The following UBA6 variants were observed in gnomAD, a reference collection of about 807,000 sequenced individuals.
The protein encoded by UBA6 is ubiquitin-like modifier-activating enzyme 6.
A neutral mutation model predicts 148.3 loss-of-function variants in UBA6; 87 were observed. The ratio of observed to expected loss-of-function variants is 0.59; its 90% CI spans 0.49 to 0.70. UBA6 has a LOEUF of 0.70. UBA6 is among the 30% of genes least tolerant of loss of function. The pLI is 0.00. For missense variants in UBA6, 1,186 were observed against 1,241.2 expected, an observed-to-expected ratio of 0.96 and a Z score of 0.67; for synonymous variants, 376 against 401.0, an observed-to-expected ratio of 0.94 and a Z score of 0.75.
At chr4:67,685,628 C>A (rs531197255) in intron 2 of UBA6, among the ~76,000 whole-genome samples, 2 of 152,116 alleles carry the variant, frequency 1.3e-5, no homozygotes, top group African/African-American at 2.4e-5. Context: ...ACTTAAACCC[C>A]GTTACGTAGG....
chr4:67,684,898 C>T (rs1218941416), intron 2 of UBA6, among the ~76,000 whole-genome samples: 1 of 152,144 alleles, frequency 6.6e-6, no homozygotes, highest in Admixed American at 6.6e-5. Flanking sequence ...CACAAAAATA[C>T]TATGAGATAA....
intron 14 of UBA6, among the ~76,000 whole-genome samples, chr4:67,647,710 T>C (rs1275064054): frequency 1.3e-5 from 2 of 151,876 alleles, no homozygotes; most frequent in Non-Finnish European, 2.9e-5. Flanking sequence ...CATGAACAAA[T>C]GGTTATTTAT....
At chr4:67,689,781 C>T (rs1577841227) in intron 2 of UBA6, among the ~76,000 whole-genome samples, 1 of 152,160 alleles carries the variant, frequency 6.6e-6, no homozygotes, top group Non-Finnish European at 1.5e-5. Flanking sequence ...ACTACTTAGG[C>T]AACGTACCTA....
At chr4:67,648,077 G>A (rs1444949718) in intron 14 of UBA6, among the ~76,000 whole-genome samples, 4 of 151,354 alleles carry the variant, frequency 2.6e-5, no homozygotes, top group Admixed American at 1.3e-4. Flanking sequence ...CTGCCTTAAC[G>A]GTCATCTTTA....
chr4:67,618,927 T>C lies in UBA6; in HGVS notation c.*70A>G. On this transcript the variant is annotated 3_prime_UTR_variant, in exon 33 of 33. Coordinates refer to ENST00000322244, the MANE Select transcript of UBA6 (RefSeq NM_018227.6). ...TCCATAGTATTATGAACTGATTTTC[T>C]TTAGCTTCTGAATTAAGTGCACTCT... 1 of 1,485,292 alleles carries C rather than the reference T, an allele frequency of 6.7e-7. No individual in the cohort carries two copies. Among genetic ancestry groups the C allele is most frequent in the Non-Finnish European group, 9.2e-7 (1 of 1,088,348 alleles). 92.0% of individuals were successfully genotyped at this position (1,485,292 alleles called of 1,614,324 possible). A position where few individuals can be genotyped will look rare whatever the true frequency, so the allele number is the denominator to read the frequency against.
intron 11 of UBA6, chr4:67,663,506 A>T (rs528169897): frequency 2.6e-4 from 81 of 314,312 alleles, no homozygotes; most frequent in African/African-American, 1.5e-3. Context: ...CATCCATTTT[A>T]AAAAAAAATA....
intron 1 of UBA6, among the ~76,000 whole-genome samples, chr4:67,698,021 GCTTA>G (rs1056601271): frequency 1.3e-5 from 2 of 152,086 alleles, no homozygotes; most frequent in African/African-American, 4.8e-5. Context: ...CTCCGTTTTC[GCTTA>G]CTATCTTCAA....
Position 67,634,338 on chromosome 4 carries a change from GAAA to G in UBA6, c.1933-19_1933-17del. ...AACTTTCAAACTGTAACAGAGAAAA[GAAA>G]AAAAAAATTACAAATAGAAGTCTGT... On this transcript the variant is annotated splice_polypyrimidine_tract_variant and intron_variant, in intron 21 of 32. Transcript: ENST00000322244. 2 of 1,508,670 alleles carry G rather than the reference GAAA, an allele frequency of 1.3e-6. No homozygotes were observed. Among genetic ancestry groups the G allele is most frequent in the Non-Finnish European group, 1.8e-6 (2 of 1,125,828 alleles). The allele number at this position is 1,508,670 out of a possible 1,614,324, so 93.5% of individuals were successfully genotyped here. A position where few individuals can be genotyped will look rare whatever the true frequency, so the allele number is the denominator to read the frequency against.
chr4:67,652,227 CAT>C (rs1729569366), intron 13 of UBA6, among the ~76,000 whole-genome samples: 1 of 151,980 alleles, frequency 6.6e-6, no homozygotes, highest in Non-Finnish European at 1.5e-5. Context: ...TATATAAAGA[CAT>C]ATAAAAACCC....
At position 67,668,694 on chromosome 4, in the gene UBA6, AT is replaced by A; in HGVS notation, c.670-21del. On this transcript the variant is annotated intron_variant, in intron 8 of 32. Transcript: ENST00000322244. Reference sequence around the variant, plus strand: ...ATTTGCCTAAAAATAAGAGTAATCTATTAAAAAAGAACTTCTTTTTTGTATT... The same window carrying A: ...ATTTGCCTAAAAATAAGAGTAATCTATAAAAAAGAACTTCTTTTTTGTATT... 2 of 1,595,642 alleles carry A rather than the reference AT, an allele frequency of 1.3e-6. No individual in the cohort carries two copies. The highest frequency in any genetic ancestry group is 1.7e-6 in the Non-Finnish European group (2 of 1,170,874).
Position 67,678,425 on chromosome 4 carries a change from C to A in UBA6, c.353+14G>T. ...TTTAAAAAAACTCATGATAATACAT[C>A]AAAATATCTTTACCTGTTTCTCTTA... is the stretch of plus-strand genomic sequence containing the variant. On this transcript the variant is annotated intron_variant, in intron 5 of 32. Coordinates refer to ENST00000322244, the MANE Select transcript of UBA6 (RefSeq NM_018227.6). 6.6e-7 allele frequency: 1 copy of A among 1,507,730 alleles called. No individual in the cohort carries two copies. Among genetic ancestry groups the A allele is most frequent in the Non-Finnish European group, 9.0e-7 (1 of 1,111,226 alleles). 93.4% of individuals were successfully genotyped at this position (1,507,730 alleles called of 1,614,324 possible). A position where few individuals can be genotyped will look rare whatever the true frequency, so the allele number is the denominator to read the frequency against.
At position 67,616,905 on chromosome 4, in the gene UBA6, C is replaced by T. The variant is rs1309118419; in HGVS notation, c.*2092G>A. 6.6e-6 allele frequency: 1 copy of T among 152,016 alleles called. No homozygotes were observed. The highest frequency in any genetic ancestry group is 1.5e-5 in the Non-Finnish European group (1 of 67,936). The allele number at this position is 152,016 out of a possible 1,614,324, so 9.4% of individuals were successfully genotyped here. On this transcript the variant is annotated 3_prime_UTR_variant, in exon 33 of 33. Transcript: ENST00000322244. ...TTGCACCTGGTATTTCAGTCATCAACAGCAATCTCATGGTACAGAAATAAA... is the reference window on the plus strand; with the variant it reads ...TTGCACCTGGTATTTCAGTCATCAATAGCAATCTCATGGTACAGAAATAAA...
chr4:67,694,422 T>G (rs1232790564), intron 2 of UBA6, among the ~76,000 whole-genome samples: 3 of 151,436 alleles, frequency 2.0e-5, no homozygotes, highest in Non-Finnish European at 1.5e-5. Context: ...CATGGAGTTT[T>G]GCTCTGTAGC....
chr4:67,677,752 C>T (rs763179035), intron 5 of UBA6, 30 bp from the exon 6 acceptor site: 1 of 1,214,786 alleles, frequency 8.2e-7, no homozygotes, highest in South Asian at 1.3e-5. Flanking sequence ...TTTTACTGTT[C>T]TTTAATTCAA....
chr4:67,657,838 A>T (rs1729738723), intron 13 of UBA6, among the ~76,000 whole-genome samples: 1 of 150,970 alleles, frequency 6.6e-6, no homozygotes, highest in African/African-American at 2.4e-5. Context: ...AAAAAAAAAA[A>T]AAAAAGAAAA....
At chr4:67,631,651 A>C in intron 25 of UBA6, 57 bp downstream of exon 25, 2 of 1,285,692 alleles carry the variant, frequency 1.6e-6, no homozygotes, top group Non-Finnish European at 2.2e-6. Flanking sequence ...CAGTTAAGGA[A>C]TTTACAGTAA....
chr4:67,690,903 T>C (rs79471685), intron 2 of UBA6, among the ~76,000 whole-genome samples: 36 of 152,246 alleles, frequency 2.4e-4, no homozygotes, highest in African/African-American at 7.5e-4. Context: ...CCTCAAAAAT[T>C]AAAAAATAGA....
chr4:67,686,879 A>G (rs1279519367), intron 2 of UBA6, among the ~76,000 whole-genome samples: 2 of 144,608 alleles, frequency 1.4e-5, no homozygotes, highest in African/African-American at 5.1e-5. Context: ...GCTTGAGCCT[A>G]ACAGTTTGAG....
chr4:67,628,392 C>G (rs1728920433), intron 27 of UBA6, among the ~76,000 whole-genome samples: 2 of 151,810 alleles, frequency 1.3e-5, no homozygotes, highest in Admixed American at 1.3e-4. Flanking sequence ...TTTTCAAGGC[C>G]TTTCTCTGCA....
Sources: allele counts gnomAD v4.1 joint callset (sites outside exome capture counted in the v4.1 genomes callset), GRCh38; gene constraint gnomAD v4.1.1; transcripts MANE v1.5; gene names NCBI Gene and HGNC (gene_info 2026-07-23, HGNC 2026-07-21).